Variants in WDR7 observed in about 807,000 individuals in gnomAD.
WDR7 encodes WD repeat domain 7, also known as WD repeat-containing protein 7.
WDR7 carries 46 observed loss-of-function variants against 169.4 expected under a neutral mutation model. That is an observed-to-expected ratio of 0.27 (90% CI 0.21 to 0.35). WDR7 has a LOEUF of 0.35. Ranked by LOEUF, WDR7 falls within the 10% of genes least tolerant of loss-of-function variation. The pLI, the probability that WDR7 is intolerant of heterozygous loss-of-function variation, is 1.00. For missense variants in WDR7, 1,534 were observed against 1,859.3 expected (o/e 0.83, Z 3.22); for synonymous variants, 612 against 666.8 (o/e 0.92, Z 1.27).
At chr18:56,813,898 C>A (rs1046008255) in intron 19 of WDR7, among the ~76,000 whole-genome samples, 12 of 152,022 alleles carry the variant, frequency 7.9e-5, no homozygotes, top group African/African-American at 2.7e-4. Flanking sequence ...TCCTGAATTC[C>A]CTTGGTTGAA....
At chr18:56,831,177 A>G (rs2045301794) in intron 20 of WDR7, among the ~76,000 whole-genome samples, 1 of 152,130 alleles carries the variant, frequency 6.6e-6, no homozygotes, top group African/African-American at 2.4e-5. Flanking sequence ...GTTTTCAGAA[A>G]GAGTCAAATC....
chr18:56,696,636 T>C (rs1039095981), intron 12 of WDR7, 174 bp downstream of exon 12: 1 of 583,772 alleles, frequency 1.7e-6, no homozygotes, highest in Non-Finnish European at 2.9e-6. Flanking sequence ...TTACGGCCAC[T>C]AACTATTGGG....
intron 20 of WDR7, among the ~76,000 whole-genome samples, chr18:56,838,307 C>G (rs963114159): frequency 4.6e-5 from 7 of 152,046 alleles, no homozygotes; most frequent in Non-Finnish European, 1.0e-4. Context: ...GGATATACAG[C>G]TTAGAGAATT....
intron 21 of WDR7, among the ~76,000 whole-genome samples, chr18:56,885,183 A>G (rs542206143): frequency 6.6e-6 from 1 of 152,228 alleles, no homozygotes; most frequent in African/African-American, 2.4e-5. Flanking sequence ...TCCAAATGAG[A>G]AGGAACCAGA....
chr18:56,789,210 TTTGAG>T, intron 19 of WDR7, among the ~76,000 whole-genome samples: 1 of 152,390 alleles, frequency 6.6e-6, no homozygotes, highest in South Asian at 2.1e-4. Context: ...ACTTGGGTTC[TTTGAG>T]TTAACATTTA....
downstream of WDR7, chr18:57,033,437 C>G (rs1400211390): frequency 3.3e-5 from 5 of 152,160 alleles, no homozygotes; most frequent in Non-Finnish European, 7.3e-5. Flanking sequence ...CAAGAAAGTT[C>G]TTCACTTTGC....
chr18:57,007,162 G>A (rs757410492), intron 26 of WDR7, among the ~76,000 whole-genome samples: 1 of 152,052 alleles, frequency 6.6e-6, no homozygotes, highest in Non-Finnish European at 1.5e-5. Context: ...TGTATTTTTA[G>A]TAGAGACGGG....
intron 22 of WDR7, among the ~76,000 whole-genome samples, chr18:56,931,394 A>G (rs781441444): frequency 6.6e-6 from 1 of 152,222 alleles, no homozygotes; most frequent in Non-Finnish European, 1.5e-5. Context: ...ATTAGACTTC[A>G]TCTGTTGGGA....
intron 26 of WDR7, among the ~76,000 whole-genome samples, chr18:57,008,125 C>T (rs1014129438): frequency 9.2e-5 from 14 of 152,258 alleles, no homozygotes; most frequent in South Asian, 2.1e-4. Context: ...GATCCCTATC[C>T]GCCGCGCCCT....
chr18:57,002,938 A>G (rs904852782), intron 26 of WDR7, among the ~76,000 whole-genome samples: 2 of 152,174 alleles, frequency 1.3e-5, no homozygotes, highest in African/African-American at 4.8e-5. Flanking sequence ...GCAGCCATCA[A>G]AAGTCATTCA....
chr18:56,925,597 C>T (rs2145650175), intron 22 of WDR7, among the ~76,000 whole-genome samples: 1 of 152,170 alleles, frequency 6.6e-6, no homozygotes, highest in Admixed American at 6.5e-5. Flanking sequence ...GTTCTTAGCC[C>T]TTTGCTTTGC....
At chr18:56,678,539 C>T (rs1288443669) in intron 2 of WDR7, among the ~76,000 whole-genome samples, 1 of 151,924 alleles carries the variant, frequency 6.6e-6, no homozygotes, top group East Asian at 1.9e-4. Context: ...CTCTGTCCCC[C>T]AAGCTGGAGT....
At chr18:56,934,742 T>C (rs1033791916) in intron 22 of WDR7, among the ~76,000 whole-genome samples, 2 of 152,198 alleles carry the variant, frequency 1.3e-5, no homozygotes, top group Non-Finnish European at 2.9e-5. Context: ...TGTAAACTTT[T>C]TGAGAATTTT....
intron 25 of WDR7, among the ~76,000 whole-genome samples, chr18:56,961,997 A>G (rs566954679): frequency 4.6e-5 from 7 of 152,272 alleles, no homozygotes; most frequent in Admixed American, 1.3e-4. Context: ...CTTTAATACT[A>G]TAATAAACCA....
intron 26 of WDR7, among the ~76,000 whole-genome samples, chr18:56,984,375 A>G (rs2047684918): frequency 6.6e-6 from 1 of 152,212 alleles, no homozygotes; most frequent in South Asian, 2.1e-4. Flanking sequence ...AATAGAATAC[A>G]TTTAAATGTT....
At chr18:56,791,000 CTG>C (rs1241675999) in intron 19 of WDR7, among the ~76,000 whole-genome samples, 2 of 152,104 alleles carry the variant, frequency 1.3e-5, no homozygotes, top group African/African-American at 4.8e-5. Context: ...TACAAATTTT[CTG>C]TGTTTGTTCT....
chr18:56,717,410 A>G (rs1413636247), intron 12 of WDR7, among the ~76,000 whole-genome samples: 1 of 152,238 alleles, frequency 6.6e-6, no homozygotes, highest in Non-Finnish European at 1.5e-5. Context: ...TGCTGACATT[A>G]TAGATAGAAA....
At chr18:56,736,297 A>C (rs1485732907) in intron 14 of WDR7, among the ~76,000 whole-genome samples, 1 of 152,156 alleles carries the variant, frequency 6.6e-6, no homozygotes, top group East Asian at 1.9e-4. Context: ...GGATTAATGA[A>C]TGAGAAAAAT....
intron 26 of WDR7, among the ~76,000 whole-genome samples, chr18:56,988,814 T>G (rs1697861749): frequency 6.6e-6 from 1 of 152,170 alleles, no homozygotes; most frequent in African/African-American, 2.4e-5. Flanking sequence ...TCTTTTTAAC[T>G]TATTTGCAAT....
Sources: gnomAD v4.1 joint callset for allele counts (sites outside exome capture counted in the v4.1 genomes callset) on GRCh38, gnomAD v4.1.1 for gene constraint, MANE v1.5 for transcripts, NCBI Gene and HGNC (gene_info 2026-07-23, HGNC 2026-07-21) for gene names.